The following PARM1 variants were observed in gnomAD, a reference collection of about 807,000 sequenced individuals.
PARM1 encodes the protein WSC4, cell wall integrity and stress response component 4 homolog.
In PARM1, 14 loss-of-function variants were observed where a neutral mutation model predicts 24.6. The ratio of observed to expected loss-of-function variants is 0.57; its 90% CI spans 0.38 to 0.89. PARM1 has a LOEUF of 0.89. Ranked by LOEUF, PARM1 falls within the 40% of genes least tolerant of loss-of-function variation. The pLI, the probability that PARM1 is intolerant of heterozygous loss-of-function variation, is 0.00. For synonymous variants in PARM1, 179 were observed against 156.6 expected, an observed-to-expected ratio of 1.14 and a Z score of -1.07; for missense variants, 362 against 380.4, an observed-to-expected ratio of 0.95 and a Z score of 0.40.
chr4:75,010,847 C>T (rs1722857312), intron 1 of PARM1, among the ~76,000 whole-genome samples: 2 of 152,252 alleles, frequency 1.3e-5, no homozygotes, highest in African/African-American at 2.4e-5. Context: ...GTTGTGTTTG[C>T]ATTGCTATAA....
intron 1 of PARM1, among the ~76,000 whole-genome samples, chr4:74,958,986 G>A (rs1239601144): frequency 6.6e-6 from 1 of 152,132 alleles, no homozygotes; most frequent in Non-Finnish European, 1.5e-5. Context: ...ATCTAGAATA[G>A]GGCTATCCAA....
intron 1 of PARM1, among the ~76,000 whole-genome samples, chr4:74,998,118 A>G (rs572751992): frequency 1.6e-4 from 24 of 152,314 alleles, no homozygotes; most frequent in East Asian, 1.9e-4. Context: ...CACAGTGCCA[A>G]TGACAACTCC....
Position 75,012,952 on chromosome 4 carries a change from A to G in PARM1, c.571A>G (p.Thr191Ala), listed in dbSNP as rs1343588257. The change falls in exon 2 of 4, where the codon ACT (threonine) becomes GCT (alanine). Residue 191 changes from threonine to alanine, a missense_variant. Thr to Ala is a moderately conservative substitution (Grantham distance 58, BLOSUM62 0). Transcript: ENST00000307428. ...CAGCACCCAACCCACTGGAGCTCCAACTGCACCAGAGTCCCCGACAGAGGA... is the reference window on the plus strand; with the variant it reads ...CAGCACCCAACCCACTGGAGCTCCAGCTGCACCAGAGTCCCCGACAGAGGA... The part of the protein sequence containing the change: ...VTSTQPTGAP[T>A]APESPTEESS... The G allele has an allele frequency of 5.0e-6, 8 of 1,613,706 alleles. No individual in the cohort carries two copies. Among genetic ancestry groups the G allele is most frequent in the African/African-American group, 2.7e-5 (2 of 74,856 alleles).
rs531049471 is a variant in PARM1 at position 75,013,112 on chromosome 4, G to T, written c.731G>T (p.Arg244Met). The T allele has an allele frequency of 1.4e-5, 23 of 1,613,828 alleles. 1 individual carries two copies. The South Asian group carries it at 2.4e-4, about 17-fold the overall frequency. ...IDMETTTTFP[R>M]VIMQEVEHAL... ...ATGGAGACCACCACCACCTTTCCCA[G>T]GGTGATCATGCAGGAAGTAGAACAT... is the stretch of plus-strand genomic sequence containing the variant. The change falls in exon 2 of 4, where the codon AGG (arginine) becomes ATG (methionine). Residue 244 changes from arginine to methionine, a missense_variant. Arg to Met is a moderately conservative substitution (Grantham distance 91). Coordinates refer to ENST00000307428, the MANE Select transcript of PARM1 (RefSeq NM_015393.4).
At chr4:74,933,465 G>T in intron 1 of PARM1, 95 bp downstream of exon 1, 1 of 1,056,446 alleles carries the variant, frequency 9.5e-7, no homozygotes, top group South Asian at 1.3e-5. Context: ...CCGGCAGTGA[G>T]TCGCCGCGCG....
chr4:75,013,959 C>T (rs565569297), intron 2 of PARM1, among the ~76,000 whole-genome samples: 21 of 152,192 alleles, frequency 1.4e-4, no homozygotes, highest in Admixed American at 8.5e-4. Context: ...AGTCTTTCAT[C>T]GGAGCATTTC....
At chr4:74,940,916 A>T (rs1265689651) in intron 1 of PARM1, among the ~76,000 whole-genome samples, 13 of 152,196 alleles carry the variant, frequency 8.5e-5, no homozygotes. Context: ...AATGTGTCTT[A>T]TTAGGAGAGG....
chr4:74,992,464 A>T (rs1292944771), intron 1 of PARM1, among the ~76,000 whole-genome samples: 1 of 152,146 alleles, frequency 6.6e-6, no homozygotes, highest in Non-Finnish European at 1.5e-5. Flanking sequence ...AAATTTGATG[A>T]AAACTATAAA....
At chr4:75,019,649 C>T (rs1352406288) in intron 2 of PARM1, among the ~76,000 whole-genome samples, 1 of 152,086 alleles carries the variant, frequency 6.6e-6, no homozygotes, top group African/African-American at 2.4e-5. Context: ...ACCCATAAAC[C>T]TTAGATTTGA....
chr4:74,954,251 T>G (rs1721589112), intron 1 of PARM1, among the ~76,000 whole-genome samples: 1 of 152,234 alleles, frequency 6.6e-6, no homozygotes, highest in Non-Finnish European at 1.5e-5. Flanking sequence ...GTTGAGTTTT[T>G]GGGTTTCTAG....
intron 3 of PARM1, among the ~76,000 whole-genome samples, chr4:75,039,703 C>T (rs1178801454): frequency 6.6e-6 from 1 of 152,090 alleles, no homozygotes; most frequent in Non-Finnish European, 1.5e-5. Flanking sequence ...TTCTAACACT[C>T]CAGTAGCCCT....
At chr4:74,934,054 C>A (rs1268528397) in intron 1 of PARM1, among the ~76,000 whole-genome samples, 1 of 152,136 alleles carries the variant, frequency 6.6e-6, no homozygotes, top group Non-Finnish European at 1.5e-5. Context: ...CCTCTCCCCT[C>A]CCCCTGCACC....
In PARM1 at chr4:75,044,046, C is replaced by CGA. The variant is rs1723551396; in HGVS notation, c.849-2117_849-2116insGA. On this transcript the variant is annotated intron_variant, in intron 3 of 3. Transcript: ENST00000307428. ...AGCACAGCAAAGGTCTAGTTCTTTG[C>CGA]AAAAAAAAAAAAAATTGTCTTTTTG... Among the ~76,000 whole-genome samples, 9 of 135,948 alleles carry CGA rather than the reference C, an allele frequency of 6.6e-5. No individual in the cohort carries two copies. The South Asian group carries it at 1.9e-3, about 28-fold the overall frequency. The allele number at this position is 135,948 out of a possible 152,430, so 89.2% of individuals were successfully genotyped here. A position where few individuals can be genotyped will look rare whatever the true frequency, so the allele number is the denominator to read the frequency against.
intron 2 of PARM1, among the ~76,000 whole-genome samples, chr4:75,021,850 A>C (rs1034177063): frequency 2.0e-5 from 3 of 152,144 alleles, no homozygotes; most frequent in Non-Finnish European, 4.4e-5. Flanking sequence ...TTCTTTATCT[A>C]ATCCACCATT....
intron 1 of PARM1, among the ~76,000 whole-genome samples, chr4:74,961,432 G>A (rs1247895866): frequency 6.6e-6 from 1 of 152,098 alleles, no homozygotes; most frequent in East Asian, 1.9e-4. Context: ...TTTAATGAAA[G>A]ACATGAATAT....
chr4:75,042,866 A>G (rs1434606741), intron 3 of PARM1, among the ~76,000 whole-genome samples: 2 of 151,556 alleles, frequency 1.3e-5, no homozygotes, highest in Non-Finnish European at 2.9e-5. Context: ...TACATTCCCA[A>G]TTTTGGTTCA....
At chr4:75,005,588 A>G (rs957738812) in intron 1 of PARM1, among the ~76,000 whole-genome samples, 2 of 152,184 alleles carry the variant, frequency 1.3e-5, no homozygotes, top group African/African-American at 4.8e-5. Context: ...TGTCCCAACA[A>G]TCAGCCCCCC....
intron 1 of PARM1, among the ~76,000 whole-genome samples, chr4:74,958,725 T>A (rs1560775480): frequency 6.6e-6 from 1 of 152,208 alleles, no homozygotes; most frequent in Non-Finnish European, 1.5e-5. Context: ...AAGAACTTAC[T>A]AAGTCACCCT....
In PARM1 at chr4:74,988,234, G is replaced by A. The variant is rs1018749849; in HGVS notation, c.44-24191G>A. Among the ~76,000 whole-genome samples, 4 of 152,192 alleles carry A rather than the reference G, an allele frequency of 2.6e-5. No individual in the cohort carries two copies. The East Asian group carries it at 7.7e-4, about 29-fold the overall frequency. On this transcript the variant is annotated intron_variant, in intron 1 of 3. Transcript: ENST00000307428. Reference sequence around the variant, plus strand: ...TTGCACAACTGTGGGAGATGGCCATGTGCACAGTATACATATTTACCCAGT... The same window carrying A: ...TTGCACAACTGTGGGAGATGGCCATATGCACAGTATACATATTTACCCAGT...
Sources: gnomAD v4.1 joint callset for allele counts (sites outside exome capture counted in the v4.1 genomes callset) on GRCh38, gnomAD v4.1.1 for gene constraint, MANE v1.5 for transcripts, NCBI Gene and HGNC (gene_info 2026-07-23, HGNC 2026-07-21) for gene names.